The following DHX37 variants were observed in gnomAD, a reference collection of about 807,000 sequenced individuals.
The protein encoded by DHX37 is probable ATP-dependent RNA helicase DHX37.
DHX37 carries 52 observed loss-of-function variants against 134.3 expected under a neutral mutation model. The observed-to-expected ratio is 0.39, with a 90% CI of 0.31 to 0.49. DHX37 has a LOEUF of 0.49. Ranked by LOEUF, DHX37 falls within the 20% of genes least tolerant of loss-of-function variation. DHX37 has a pLI of 0.93. For missense variants in DHX37, 1,344 were observed against 1,580.8 expected (o/e 0.85, Z 2.54); for synonymous variants, 634 against 670.7 (o/e 0.95, Z 0.85).
At chr12:124,973,288 C>T (rs939475604) in intron 6 of DHX37, among the ~76,000 whole-genome samples, 21 of 152,016 alleles carry the variant, frequency 1.4e-4, no homozygotes, top group African/African-American at 5.1e-4. Context: ...CCTGCAATTC[C>T]AGCTATTCGG....
Position 124,972,736 on chromosome 12 carries a change from A to G in DHX37, c.981-137T>C, listed in dbSNP as rs1207917501. The G allele has an allele frequency of 4.0e-6, 3 of 747,428 alleles. No individual in the cohort carries two copies. In the East Asian group the frequency reaches 7.6e-5, roughly 19 times the overall value. The allele number at this position is 747,428 out of a possible 1,614,324, so 46.3% of individuals were successfully genotyped here. A position where few individuals can be genotyped will look rare whatever the true frequency, so the allele number is the denominator to read the frequency against. On this transcript the variant is annotated intron_variant, in intron 6 of 26. Transcript: ENST00000308736. ...GCTGGCAACCTGAAACAAGTCCCAG[A>G]CATCTCCCCAGTCCACTCTCCCCCT...
At position 124,968,648 on chromosome 12, in the gene DHX37, C is replaced by T; in HGVS notation, c.1294G>A (p.Val432Met). Residue 432 changes from valine (V) to methionine (M), a missense_variant and splice_region_variant, in exon 10 of 27, where the codon GTG becomes ATG. Around this residue, in one of 7 missense-constraint regions of DHX37, gnomAD observed 289 missense variants for 323.8 expected, o/e 0.89. Transcript: ENST00000308736. Reference sequence around the variant, plus strand: ...GTCACTGGGAACTGCCTGGATTCCACCTGTGGGACGCCCAGGAAGGCATGG... The same window carrying T: ...GTCACTGGGAACTGCCTGGATTCCATCTGTGGGACGCCCAGGAAGGCATGG... ...LFAKPPPVIK[V>M]ESRQFPVTVH... 6.2e-7 allele frequency: 1 copy of T among 1,613,998 alleles called. No individual in the cohort carries two copies. The highest frequency in any genetic ancestry group is 1.3e-5 in the African/African-American group (1 of 75,026).
At chr12:124,971,778 C>T (rs989085425) in intron 7 of DHX37, among the ~76,000 whole-genome samples, 5 of 152,192 alleles carry the variant, frequency 3.3e-5, no homozygotes, top group Admixed American at 1.3e-4. Context: ...ACAGCCAGCA[C>T]GGAGCACAGC....
chr12:124,965,293 C>T (rs1373795985), intron 13 of DHX37, among the ~76,000 whole-genome samples: 2 of 152,222 alleles, frequency 1.3e-5, no homozygotes, highest in South Asian at 2.1e-4. Flanking sequence ...CTCCACTCCT[C>T]GTGTCCTGGC....
intron 4 of DHX37, 101 bp from the exon 5 acceptor site, chr12:124,977,591 T>G: frequency 7.4e-7 from 1 of 1,352,712 alleles, no homozygotes; most frequent in Non-Finnish European, 9.7e-7. Context: ...TGAACAGATG[T>G]GCCTGCTGGG....
chr12:124,959,652 A>G (rs751647618), intron 16 of DHX37, among the ~76,000 whole-genome samples: 2 of 152,268 alleles, frequency 1.3e-5, no homozygotes, highest in African/African-American at 2.4e-5. Flanking sequence ...ACTGGGACAC[A>G]GGTCACAAAT....
At chr12:124,963,117 AACAG>A (rs1213460222) in intron 15 of DHX37, among the ~76,000 whole-genome samples, 2 of 152,336 alleles carry the variant, frequency 1.3e-5, no homozygotes, top group South Asian at 2.1e-4. Context: ...CCAGCTGATG[AACAG>A]ACAAACAAAA....
rs781352155 is a variant in DHX37, at chr12:124,973,257, A to C, written c.981-658T>G. Among the ~76,000 whole-genome samples the C allele has an allele frequency of 1.4e-3, 213 of 152,134 alleles. 6 individuals carry two copies. The highest frequency in any genetic ancestry group is 4.0e-4 in the Non-Finnish European group (27 of 68,020). ...ACATGGTGAAACCCCATCTCTACTA[A>C]ATACAAAAATTAGCCGGGCACCTGC... On this transcript the variant is annotated intron_variant, in intron 6 of 26. Coordinates refer to ENST00000308736, the MANE Select transcript of DHX37 (RefSeq NM_032656.4).
At chr12:124,986,903 G>C (rs371248493) in intron 1 of DHX37, among the ~76,000 whole-genome samples, 3 of 149,768 alleles carry the variant, frequency 2.0e-5, no homozygotes, top group African/African-American at 7.5e-5. Context: ...GTACCACCAC[G>C]CCCCAGCTAA....
intron 2 of DHX37, among the ~76,000 whole-genome samples, chr12:124,984,671 A>G (rs1327178539): frequency 1.3e-5 from 2 of 152,194 alleles, no homozygotes; most frequent in African/African-American, 4.8e-5. Context: ...AAATTTAACC[A>G]CTTGCTAGAT....
intron 7 of DHX37, among the ~76,000 whole-genome samples, 188 bp from the exon 8 acceptor site, chr12:124,971,603 G>T (rs1954524927): frequency 6.6e-6 from 1 of 152,180 alleles, no homozygotes; most frequent in Non-Finnish European, 1.5e-5. Flanking sequence ...GAGATGTGGG[G>T]TGGGGCCGTG....
intron 11 of DHX37, 24 bp from the exon 12 acceptor site, chr12:124,966,902 G>A: frequency 6.2e-7 from 1 of 1,614,222 alleles, no homozygotes; most frequent in Non-Finnish European, 8.5e-7. Context: ...AGGTTGGGGA[G>A]AAAGGCGTCT....
rs1370677069 is a variant in DHX37, at chr12:124,971,289, C to T, written c.1191+13G>A. 7 of 1,610,572 alleles carry T rather than the reference C, an allele frequency of 4.3e-6. No individual in the cohort carries two copies. Among genetic ancestry groups the T allele is most frequent in the East Asian group, 2.2e-5 (1 of 44,816 alleles). ...AGGGCTCGGGGCTCCCCAGCACCCG[C>T]CTCCTGCGCTACCTTAGCCCGGAGA... On this transcript the variant is annotated intron_variant, in intron 8 of 26. Coordinates refer to ENST00000308736, the MANE Select transcript of DHX37 (RefSeq NM_032656.4).
At chr12:124,982,464 GGGGCCCTGGAGGGAGGGCA>G (rs1198029072) in intron 3 of DHX37, 28 bp downstream of exon 3, 1 of 1,606,486 alleles carries the variant, frequency 6.2e-7, no homozygotes, top group African/African-American at 1.3e-5. Flanking sequence ...CCCTCCCTAG[GGGGCCCTGGAGGGAGGGCA>G]GGGTTAGCAA....
chr12:124,954,658 A>C (rs1312861897), intron 18 of DHX37, among the ~76,000 whole-genome samples: 1 of 152,084 alleles, frequency 6.6e-6, no homozygotes, highest in Non-Finnish European at 1.5e-5. Flanking sequence ...TCGGCCTCCC[A>C]AAGTGCTGGG....
rs1954924030 is a variant in DHX37, at chr12:124,988,908, A to C, written c.106+9T>G. Reference sequence around the variant, plus strand: ...TCCGAAATCCAGCCCCGGTCCGGGGATGTCTTACCCTCCAGTTCCAGCTGC... The same window carrying C: ...TCCGAAATCCAGCCCCGGTCCGGGGCTGTCTTACCCTCCAGTTCCAGCTGC... On this transcript the variant is annotated intron_variant, in intron 1 of 26. Coordinates refer to ENST00000308736, the MANE Select transcript of DHX37 (RefSeq NM_032656.4). 1 of 1,313,024 alleles carries C rather than the reference A, an allele frequency of 7.6e-7. No homozygotes were observed. Among genetic ancestry groups the C allele is most frequent in the Admixed American group, 3.1e-5 (1 of 32,706 alleles). 81.3% of individuals were successfully genotyped at this position (1,313,024 alleles called of 1,614,324 possible).
At chr12:124,977,910 A>C (rs1440725935) in intron 4 of DHX37, among the ~76,000 whole-genome samples, 3 of 152,176 alleles carry the variant, frequency 2.0e-5, no homozygotes, top group Non-Finnish European at 2.9e-5. Flanking sequence ...TGACTCATGG[A>C]AAGAAACACA....
chr12:124,952,290 A>G, intron 21 of DHX37, 108 bp downstream of exon 21: 1 of 1,173,134 alleles, frequency 8.5e-7, no homozygotes, highest in Non-Finnish European at 1.1e-6. Flanking sequence ...CTCAGTGGGG[A>G]CCCACAGCTG....
At chr12:124,970,940 G>C (rs1490911884) in intron 8 of DHX37, among the ~76,000 whole-genome samples, 1 of 152,254 alleles carries the variant, frequency 6.6e-6, no homozygotes, top group African/African-American at 2.4e-5. Context: ...CCTGGCCCTT[G>C]GCTGGGCAGG....
Sources: allele counts gnomAD v4.1 joint callset (sites outside exome capture counted in the v4.1 genomes callset), GRCh38; gene constraint gnomAD v4.1.1; regional missense constraint gnomAD v4.1.1; transcripts MANE v1.5; gene names NCBI Gene and HGNC (gene_info 2026-07-23, HGNC 2026-07-21).